Variants in RBMS3 observed in about 807,000 individuals in gnomAD.
RBMS3 encodes the protein RNA-binding motif, single-stranded-interacting protein 3.
A neutral mutation model predicts 66.8 loss-of-function variants in RBMS3; 27 were observed. That is an observed-to-expected ratio of 0.40 (90% CI 0.30 to 0.56). RBMS3 has a LOEUF of 0.56. Among genes scored for constraint, RBMS3 ranks in the 20% least tolerant of loss-of-function variants. RBMS3 has a pLI of 0.40. For synonymous variants in RBMS3, 188 were observed against 183.0 expected (o/e 1.03, Z -0.22); for missense variants, 513 against 549.5 (o/e 0.93, Z 0.66).
At chr3:29,718,123 CTGTT>C (rs755351002) in intron 4 of RBMS3, among the ~76,000 whole-genome samples, 2 of 151,998 alleles carry the variant, frequency 1.3e-5, no homozygotes, top group Non-Finnish European at 2.9e-5. Flanking sequence ...ATTTTTCCTT[CTGTT>C]TAAGTTTATG....
At chr3:29,511,893 A>G (rs1359211739) in intron 3 of RBMS3, among the ~76,000 whole-genome samples, 1 of 152,174 alleles carries the variant, frequency 6.6e-6, no homozygotes. Flanking sequence ...CACTTTGTTA[A>G]CACTGTGCTC....
At chr3:29,942,326 C>T (rs984269317) in intron 11 of RBMS3, among the ~76,000 whole-genome samples, 1 of 151,580 alleles carries the variant, frequency 6.6e-6, no homozygotes, top group African/African-American at 2.4e-5. Flanking sequence ...GGAGACCAGC[C>T]TAGATAACAT....
At chr3:29,313,915 G>C (rs1166737057) in intron 1 of RBMS3, among the ~76,000 whole-genome samples, 2 of 151,692 alleles carry the variant, frequency 1.3e-5, no homozygotes. Flanking sequence ...CGGGATGAGT[G>C]GAGAGTAGTC....
chr3:29,406,898 G>A (rs542155076), intron 1 of RBMS3, among the ~76,000 whole-genome samples: 1 of 152,216 alleles, frequency 6.6e-6, no homozygotes, highest in South Asian at 2.1e-4. Context: ...AATCAAATTT[G>A]TTGTCTGCAT....
chr3:29,687,572 G>A (rs1172048113), intron 4 of RBMS3, among the ~76,000 whole-genome samples: 5 of 152,134 alleles, frequency 3.3e-5, no homozygotes, highest in African/African-American at 7.2e-5. Context: ...TTAGACAAGC[G>A]AAGCTAATTA....
chr3:29,963,259 G>A (rs892580601), intron 12 of RBMS3, among the ~76,000 whole-genome samples: 20 of 152,100 alleles, frequency 1.3e-4, no homozygotes, highest in African/African-American at 4.3e-4. Flanking sequence ...ATCACCATGT[G>A]AGCATTAAAT....
intron 12 of RBMS3, among the ~76,000 whole-genome samples, chr3:29,977,757 G>T (rs1414481994): frequency 6.6e-6 from 1 of 151,922 alleles, no homozygotes; most frequent in Non-Finnish European, 1.5e-5. Context: ...TAGCATTGGT[G>T]AATATACAAG....
At chr3:29,471,714 CTTAGTTTTTT>C (rs2042732741) in intron 2 of RBMS3, among the ~76,000 whole-genome samples, 1 of 125,588 alleles carries the variant, frequency 8.0e-6, no homozygotes, top group Admixed American at 8.3e-5. Flanking sequence ...ATCATGAGGA[CTTAGTTTTTT>C]TTTTTTTTTT....
rs984683870 is a variant in RBMS3, at chr3:29,485,357, C to T, written c.249-3084C>T. 5.3e-5 allele frequency among the ~76,000 whole-genome samples: 8 copies of T among 150,844 alleles called. No individual in the cohort carries two copies. In the East Asian group the frequency reaches 9.7e-4, roughly 18 times the overall value. Reference sequence around the variant, plus strand: ...GTAATAAGCAAATAGTTACTGTAGACTAGCTACTCTTTTAAAGCATACTCT... The same window carrying T: ...GTAATAAGCAAATAGTTACTGTAGATTAGCTACTCTTTTAAAGCATACTCT... On this transcript the variant is annotated intron_variant, in intron 2 of 14. Transcript: ENST00000383767.
At chr3:29,995,667 A>G (rs934057728) in intron 14 of RBMS3, among the ~76,000 whole-genome samples, 2 of 152,122 alleles carry the variant, frequency 1.3e-5, no homozygotes, top group Non-Finnish European at 2.9e-5. Flanking sequence ...CAGCCAAACT[A>G]AGCTTCATAA....
chr3:29,564,158 A>G (rs977402191), intron 3 of RBMS3, among the ~76,000 whole-genome samples: 2 of 152,214 alleles, frequency 1.3e-5, no homozygotes, highest in African/African-American at 2.4e-5. Flanking sequence ...TTCACATTGC[A>G]TATGTAGCTA....
intron 3 of RBMS3, among the ~76,000 whole-genome samples, chr3:29,495,118 A>G (rs2043692806): frequency 6.7e-6 from 1 of 149,784 alleles, no homozygotes; most frequent in South Asian, 2.1e-4. Context: ...TTATTAAATA[A>G]AATCATAAAT....
intron 4 of RBMS3, among the ~76,000 whole-genome samples, chr3:29,637,382 T>A (rs1022950336): frequency 6.6e-6 from 1 of 151,824 alleles, no homozygotes; most frequent in African/African-American, 2.4e-5. Context: ...GCCAAGTTAA[T>A]TTGGTTAAGG....
rs190157241 is a variant in RBMS3 at position 29,613,293 on chromosome 3, A to G, written c.399+26088A>G. On this transcript the variant is annotated intron_variant, in intron 4 of 14. Coordinates refer to ENST00000383767, the MANE Select transcript of RBMS3 (RefSeq NM_001003793.3). ...TTCCATAATGGCTGTCCTAATTGAC[A>G]TTCTCCCTAACCATGTGCAGGTGTT... 4.7e-5 allele frequency among the ~76,000 whole-genome samples: 7 copies of G among 150,274 alleles called. No homozygotes were observed. The Admixed American group carries it at 4.7e-4, about 10-fold the overall frequency.
chr3:29,467,101 C>G (rs184413972), intron 2 of RBMS3, among the ~76,000 whole-genome samples: 57 of 152,258 alleles, frequency 3.7e-4, no homozygotes, highest in African/African-American at 1.4e-3. Context: ...CTAAGCTTGG[C>G]TTTTCTTTTC....
chr3:29,899,369 G>C (rs1297403180), intron 9 of RBMS3, among the ~76,000 whole-genome samples: 1 of 151,594 alleles, frequency 6.6e-6, no homozygotes, highest in Non-Finnish European at 1.5e-5. Flanking sequence ...TACTTGCCAG[G>C]ACATCCCTGA....
At chr3:29,620,664 A>G (rs2048834542) in intron 4 of RBMS3, among the ~76,000 whole-genome samples, 1 of 152,064 alleles carries the variant, frequency 6.6e-6, no homozygotes, top group South Asian at 2.1e-4. Flanking sequence ...CACCAATTCC[A>G]TAAGTTAACT....
chr3:29,644,741 C>T (rs2049853401), intron 4 of RBMS3, among the ~76,000 whole-genome samples: 1 of 152,154 alleles, frequency 6.6e-6, no homozygotes, highest in African/African-American at 2.4e-5. Flanking sequence ...ATTGATTGCA[C>T]AGGCGAAAGT....
At chr3:29,475,336 C>A (rs1000962414) in intron 2 of RBMS3, among the ~76,000 whole-genome samples, 2 of 151,608 alleles carry the variant, frequency 1.3e-5, no homozygotes, top group Non-Finnish European at 2.9e-5. Flanking sequence ...GCAACCTCCA[C>A]CTCCCAGATT....
Sources: gnomAD v4.1 joint callset for allele counts (sites outside exome capture counted in the v4.1 genomes callset) on GRCh38, gnomAD v4.1.1 for gene constraint, MANE v1.5 for transcripts, NCBI Gene and HGNC (gene_info 2026-07-23, HGNC 2026-07-21) for gene names.